UBA2: variants seen among roughly 807,000 people sequenced by gnomAD.
UBA2 encodes SUMO-activating enzyme subunit 2.
Under a neutral mutation model 77.2 loss-of-function variants are expected in UBA2, and 11 were observed. The observed-to-expected ratio is 0.14, with a 90% CI of 0.09 to 0.24. The LOEUF (loss-of-function observed/expected upper bound fraction) is 0.24, where lower values mean the gene tolerates loss of function less well. Among genes scored for constraint, UBA2 ranks in the 10% least tolerant of loss-of-function variants. The pLI is 1.00. For synonymous variants in UBA2, 278 were observed against 276.7 expected (o/e 1.00, Z -0.05); for missense variants, 487 against 781.7 (o/e 0.62, Z 4.50).
chr19:34,440,967 TATAAA>T (rs769131669), intron 6 of UBA2, among the ~76,000 whole-genome samples: 1 of 150,198 alleles, frequency 6.7e-6, no homozygotes, highest in Non-Finnish European at 1.5e-5. Flanking sequence ...TCTAGAATCA[TATAAA>T]ATAAAAAGTG....
chr19:34,451,879 A>G (rs1361725811), intron 9 of UBA2, 102 bp from the exon 10 acceptor site: 1 of 615,826 alleles, frequency 1.6e-6, no homozygotes, highest in Non-Finnish European at 2.5e-6. Context: ...TTTATTTCAT[A>G]TTTGATTTCT....
intron 1 of UBA2, chr19:34,429,355 C>T (rs184275161): frequency 1.5e-6 from 1 of 650,150 alleles, no homozygotes; most frequent in East Asian, 1.4e-4. Flanking sequence ...TGTTACTGGC[C>T]CTTCGGTGTG....
At position 34,434,364 on chromosome 19, in the gene UBA2, C is replaced by T. The variant is rs930688617; in HGVS notation, c.359-504C>T. Among the ~76,000 whole-genome samples the T allele has an allele frequency of 6.6e-5, 10 of 152,316 alleles. No homozygotes were observed. In the East Asian group the frequency reaches 1.7e-3, roughly 26 times the overall value. On this transcript the variant is annotated intron_variant, in intron 4 of 16. Transcript: ENST00000246548. ...CTCCTGGCTTCAAGCAGTCCTCCCACCTCAGCCTCCCAGAATGCTGAGATT... is the reference window on the plus strand; with the variant it reads ...CTCCTGGCTTCAAGCAGTCCTCCCATCTCAGCCTCCCAGAATGCTGAGATT...
chr19:34,444,044 GTTTTT>G lies in UBA2; in HGVS notation c.649+153_649+157del, dbSNP rs35028159. The stretch of plus-strand genomic sequence containing the variant: ...TGTGTTTAACATGTGTTTTTTTTTT[GTTTTT>G]TTTTTTTTTTTTTTTTTTTGTCTCA... On this transcript the variant is annotated intron_variant, in intron 7 of 16. Coordinates refer to ENST00000246548, the MANE Select transcript of UBA2 (RefSeq NM_005499.3). 7.9e-3 allele frequency: 1,381 copies of G among 174,952 alleles called. 1 individual carries two copies. Among genetic ancestry groups the G allele is most frequent in the South Asian group, 0.017 (237 of 14,298 alleles). 10.8% of individuals were successfully genotyped at this position (174,952 alleles called of 1,614,324 possible).
In UBA2 at chr19:34,430,477, G is replaced by A. The variant is rs1599883967; in HGVS notation, c.139-99G>A. ...GAAAAACGCTTTCTCCACTAATGTA[G>A]CAGATATCAAAAGTTCTGGATTACA... On this transcript the variant is annotated intron_variant, in intron 1 of 16. Coordinates refer to ENST00000246548, the MANE Select transcript of UBA2 (RefSeq NM_005499.3). The A allele has an allele frequency of 2.0e-5, 15 of 766,444 alleles. No individual in the cohort carries two copies. In the East Asian group the frequency reaches 3.9e-4, roughly 20 times the overall value. 47.5% of individuals were successfully genotyped at this position (766,444 alleles called of 1,614,324 possible).
intron 6 of UBA2, among the ~76,000 whole-genome samples, chr19:34,443,419 A>G (rs561625919): frequency 6.6e-6 from 1 of 150,804 alleles, no homozygotes; most frequent in Admixed American, 6.6e-5. Flanking sequence ...TTTTAAGTTT[A>G]TAGTCATTTA....
rs548831952 is a variant in UBA2 at position 34,451,215 on chromosome 19, A to G, written c.872-766A>G. Among the ~76,000 whole-genome samples, 133 of 151,406 alleles carry G rather than the reference A, an allele frequency of 8.8e-4. 1 individual carries two copies. Among genetic ancestry groups the G allele is most frequent in the African/African-American group, 2.0e-3 (84 of 41,214 alleles). ...ATTGTAGTGGCTGCTTTCTCATCCC[A>G]CTCCCCTTTAACACTCCTTGTCTCT... On this transcript the variant is annotated intron_variant, in intron 9 of 16. Transcript: ENST00000246548.
At position 34,435,976 on chromosome 19, in the gene UBA2, C is replaced by T. The variant is rs373952279; in HGVS notation, c.459+1008C>T. On this transcript the variant is annotated intron_variant, in intron 5 of 16. Transcript: ENST00000246548. ...TCTCTACTAAAAATACAAAAATCAGCGGGCGTGGTGGTGTGCACCTGTAAT... is the reference window on the plus strand; with the variant it reads ...TCTCTACTAAAAATACAAAAATCAGTGGGCGTGGTGGTGTGCACCTGTAAT... Among the ~76,000 whole-genome samples, 23 of 151,614 alleles carry T rather than the reference C, an allele frequency of 1.5e-4. No individual in the cohort carries two copies. In the East Asian group the frequency reaches 3.2e-3, roughly 21 times the overall value.
chr19:34,460,406 A>C, intron 13 of UBA2, 64 bp from the exon 14 acceptor site: 2 of 1,093,718 alleles, frequency 1.8e-6, no homozygotes. Flanking sequence ...ATAGAAGTCT[A>C]GGATTTCTTA....
At chr19:34,449,403 A>G (rs2075468381) in intron 8 of UBA2, among the ~76,000 whole-genome samples, 2 of 147,792 alleles carry the variant, frequency 1.4e-5, no homozygotes, top group Admixed American at 6.9e-5. Flanking sequence ...TATTCACACT[A>G]AATTGTATTC....
chr19:34,447,544 A>G (rs1182726255), intron 8 of UBA2, among the ~76,000 whole-genome samples: 2 of 152,256 alleles, frequency 1.3e-5, no homozygotes, highest in African/African-American at 2.4e-5. Flanking sequence ...TCTGAAGTGC[A>G]TCTCCAATCT....
At position 34,428,408 on chromosome 19, in the gene UBA2, C is replaced by CGCCTCT. The variant is rs2075209518; in HGVS notation, c.-22_-21insTCTGCC. 1 of 1,242,456 alleles carries CGCCTCT rather than the reference C, an allele frequency of 8.0e-7. No individual in the cohort carries two copies. The highest frequency in any genetic ancestry group is 4.1e-5 in the Admixed American group (1 of 24,400). The allele number at this position is 1,242,456 out of a possible 1,614,324, so 77.0% of individuals were successfully genotyped here. A position where few individuals can be genotyped will look rare whatever the true frequency, so the allele number is the denominator to read the frequency against. On this transcript the variant is annotated 5_prime_UTR_variant, in exon 1 of 17. Coordinates refer to ENST00000246548, the MANE Select transcript of UBA2 (RefSeq NM_005499.3). ...GGCTCGGTTCTCCCGCCTCCGCCTC[C>CGCCTCT]GCCGCGGCTCGTGGTTGTCCCGCCA...
At position 34,470,228 on chromosome 19, in the gene UBA2, C is replaced by G. The variant is rs1296293060; in HGVS notation, c.*1007C>G. 1 of 152,144 alleles carries G rather than the reference C, an allele frequency of 6.6e-6. No individual in the cohort carries two copies. The highest frequency in any genetic ancestry group is 2.4e-5 in the African/African-American group (1 of 41,420). 9.4% of individuals were successfully genotyped at this position (152,144 alleles called of 1,614,324 possible). The stretch of plus-strand genomic sequence containing the variant: ...GAGCCAAGATTGTGCTATTGCTACT[C>G]CAGCCAGGGCGATGAGTGAAACTCC... On this transcript the variant is annotated 3_prime_UTR_variant, in exon 17 of 17. Coordinates refer to ENST00000246548, the MANE Select transcript of UBA2 (RefSeq NM_005499.3).
intron 3 of UBA2, 33 bp from the exon 4 acceptor site, chr19:34,433,315 A>G (rs756745389): frequency 6.6e-7 from 1 of 1,522,474 alleles, no homozygotes; most frequent in Non-Finnish European, 9.1e-7. Flanking sequence ...AAGGCTAGTT[A>G]TTTTGGTGAC....
chr19:34,433,299 A>T, intron 3 of UBA2, 49 bp from the exon 4 acceptor site: 1 of 1,297,168 alleles, frequency 7.7e-7, no homozygotes, highest in Non-Finnish European at 1.1e-6. Flanking sequence ...TGCAAAGATC[A>T]TGTGGAAGGC....
At chr19:34,466,773 T>C (rs2075692770) in intron 15 of UBA2, 105 bp from the exon 16 acceptor site, 1 of 807,432 alleles carries the variant, frequency 1.2e-6, no homozygotes, top group African/African-American at 1.7e-5. Context: ...AGAATCCACA[T>C]ATTTGGTGTA....
At chr19:34,452,458 G>A (rs1029116429) in intron 10 of UBA2, among the ~76,000 whole-genome samples, 2 of 152,178 alleles carry the variant, frequency 1.3e-5, no homozygotes, top group African/African-American at 4.8e-5. Flanking sequence ...ATTCATAGAA[G>A]TCATAAAATC....
At chr19:34,440,152 C>A (rs1026291049) in intron 6 of UBA2, among the ~76,000 whole-genome samples, 10 of 151,856 alleles carry the variant, frequency 6.6e-5, no homozygotes, top group African/African-American at 2.4e-4. Flanking sequence ...GGCGAAACCC[C>A]GTCTCTACTA....
chr19:34,436,699 G>C (rs79943809), intron 5 of UBA2, among the ~76,000 whole-genome samples: 14,573 of 150,000 alleles, frequency 0.097, 1,144 homozygotes, highest in African/African-American at 0.21. Flanking sequence ...TACATTTGAA[G>C]AGTCGTTTTC....
Sources: allele counts gnomAD v4.1 joint callset (sites outside exome capture counted in the v4.1 genomes callset), GRCh38; gene constraint gnomAD v4.1.1; transcripts MANE v1.5; gene names NCBI Gene and HGNC (gene_info 2026-07-23, HGNC 2026-07-21).